Variants in EXOC6B observed in about 807,000 individuals in gnomAD.
EXOC6B encodes the protein SEC15 homolog B.
Under a neutral mutation model 113.5 loss-of-function variants are expected in EXOC6B, and 54 were observed. That is an observed-to-expected ratio of 0.48 (90% CI 0.38 to 0.60). The LOEUF is 0.60. EXOC6B is among the 20% of genes least tolerant of loss of function. EXOC6B has a pLI of 0.00. For missense variants in EXOC6B, 797 were observed against 977.5 expected, an observed-to-expected ratio of 0.82 and a Z score of 2.46; for synonymous variants, 357 against 339.0, an observed-to-expected ratio of 1.05 and a Z score of -0.58.
chr2:72,783,815 A>T (rs1161645877), intron 1 of EXOC6B, among the ~76,000 whole-genome samples: 1 of 151,978 alleles, frequency 6.6e-6, no homozygotes, highest in Non-Finnish European at 1.5e-5. Context: ...ACTGCTGACC[A>T]TTTCCTTTGC....
chr2:72,753,795 T>C (rs1294601265), intron 1 of EXOC6B, among the ~76,000 whole-genome samples: 1 of 152,192 alleles, frequency 6.6e-6, no homozygotes, highest in African/African-American at 2.4e-5. Context: ...TCCCTCTGCC[T>C]GCAATGTCCT....
At chr2:72,764,498 A>G (rs1166235070) in intron 1 of EXOC6B, among the ~76,000 whole-genome samples, 2 of 150,714 alleles carry the variant, frequency 1.3e-5, no homozygotes, top group African/African-American at 2.4e-5. Flanking sequence ...CAGCCTCCAG[A>G]GTAGCTGAGA....
At chr2:72,544,469 T>G (rs1001399162) in intron 8 of EXOC6B, among the ~76,000 whole-genome samples, 6 of 152,120 alleles carry the variant, frequency 3.9e-5, no homozygotes, top group African/African-American at 1.2e-4. Flanking sequence ...TCTACTAAAT[T>G]AGAAACTTTT....
intron 11 of EXOC6B, among the ~76,000 whole-genome samples, chr2:72,503,966 G>T (rs187441082): frequency 2.9e-3 from 448 of 152,176 alleles, no homozygotes; most frequent in Non-Finnish European, 4.6e-3. Flanking sequence ...GGACTGCAGG[G>T]ATACGATCGT....
chr2:72,475,467 T>C (rs1214862993), intron 17 of EXOC6B, among the ~76,000 whole-genome samples: 1 of 152,046 alleles, frequency 6.6e-6, no homozygotes, highest in Non-Finnish European at 1.5e-5. Flanking sequence ...GTCATGTGGG[T>C]AGGCCCGACC....
intron 11 of EXOC6B, among the ~76,000 whole-genome samples, chr2:72,511,143 A>G (rs1234679075): frequency 3.9e-5 from 6 of 152,140 alleles, no homozygotes; most frequent in Non-Finnish European, 8.8e-5. Flanking sequence ...AACAAAAACC[A>G]TAAGCAAAAA....
At chr2:72,313,176 AACAACAC>A (rs1558547624) in intron 20 of EXOC6B, among the ~76,000 whole-genome samples, 2 of 75,896 alleles carry the variant, frequency 2.6e-5, no homozygotes, top group Non-Finnish European at 4.6e-5. Flanking sequence ...CACAGAGAGG[AACAACAC>A]AGAGAGGAAC....
intron 1 of EXOC6B, among the ~76,000 whole-genome samples, chr2:72,754,498 C>T (rs1020797743): frequency 6.6e-6 from 1 of 152,040 alleles, no homozygotes; most frequent in Admixed American, 6.6e-5. Flanking sequence ...TCCCAAAGTG[C>T]TGGCGTTATA....
intron 20 of EXOC6B, among the ~76,000 whole-genome samples, chr2:72,284,582 T>C (rs1156734757): frequency 1.3e-5 from 2 of 151,956 alleles, no homozygotes; most frequent in East Asian, 3.9e-4. Context: ...CCTACTAAGA[T>C]CAAAACCACT....
At chr2:72,481,427 T>C (rs764481010) in intron 16 of EXOC6B, among the ~76,000 whole-genome samples, 1 of 152,364 alleles carries the variant, frequency 6.6e-6, no homozygotes, top group South Asian at 2.1e-4. Context: ...CGGTTTAGCA[T>C]GATGCCTTCC....
intron 8 of EXOC6B, among the ~76,000 whole-genome samples, chr2:72,538,781 A>G (rs1244210798): frequency 6.6e-6 from 1 of 152,254 alleles, no homozygotes; most frequent in African/African-American, 2.4e-5. Flanking sequence ...CTGAAGCAAC[A>G]ATACAGTACA....
intron 8 of EXOC6B, among the ~76,000 whole-genome samples, chr2:72,518,432 A>T (rs1343352077): frequency 6.6e-6 from 1 of 152,006 alleles, no homozygotes; most frequent in Non-Finnish European, 1.5e-5. Context: ...GAAGACTGAC[A>T]AACAAGCAAT....
At chr2:72,763,932 T>C (rs554935634) in intron 1 of EXOC6B, among the ~76,000 whole-genome samples, 1 of 151,652 alleles carries the variant, frequency 6.6e-6, no homozygotes, top group Non-Finnish European at 1.5e-5. Context: ...AATACAAAAA[T>C]TAGCCGGGTG....
rs531264086 is a variant in EXOC6B at position 72,780,304 on chromosome 2, A to C, written c.114-38835T>G. Among the ~76,000 whole-genome samples the C allele has an allele frequency of 2.0e-5, 3 of 152,340 alleles. No homozygotes were observed. The South Asian group carries it at 6.2e-4, about 32-fold the overall frequency. ...TTCTAAATTTCCAAATGCCCTTATG[A>C]CAATAAAATCAAAACAAGAAATCAT... On this transcript the variant is annotated intron_variant, in intron 1 of 21. Transcript: ENST00000272427.
chr2:72,735,214 A>G (rs1024339407), intron 2 of EXOC6B, among the ~76,000 whole-genome samples: 1 of 152,184 alleles, frequency 6.6e-6, no homozygotes, highest in African/African-American at 2.4e-5. Flanking sequence ...AACATTATCT[A>G]CTAGAGTAGC....
chr2:72,745,084 G>A (rs547309707), intron 1 of EXOC6B, among the ~76,000 whole-genome samples: 2 of 152,172 alleles, frequency 1.3e-5, no homozygotes, highest in Admixed American at 6.5e-5. Flanking sequence ...TCTACAGTTC[G>A]CCTCCACTTT....
Position 72,270,049 on chromosome 2 carries a change from C to T in EXOC6B, c.2196+64898G>A, listed in dbSNP as rs141254156. On this transcript the variant is annotated intron_variant, in intron 20 of 21. Transcript: ENST00000272427. The stretch of plus-strand genomic sequence containing the variant: ...AGAAAGCCTCCCAGATGTGCCCCAA[C>T]CCCTCATATCTTCCCATCATCACTG... Among the ~76,000 whole-genome samples, 1,228 of 152,192 alleles carry T rather than the reference C, an allele frequency of 8.1e-3. 8 individuals carry two copies. The highest frequency in any genetic ancestry group is 0.012 in the Non-Finnish European group (844 of 67,998).
intron 20 of EXOC6B, among the ~76,000 whole-genome samples, chr2:72,283,520 G>A (rs1256602331): frequency 6.6e-6 from 1 of 152,122 alleles, no homozygotes; most frequent in Non-Finnish European, 1.5e-5. Context: ...GCTAGGATTG[G>A]ACAAGTCTAG....
chr2:72,400,141 C>T (rs895689494), intron 18 of EXOC6B, among the ~76,000 whole-genome samples: 6 of 151,994 alleles, frequency 3.9e-5, no homozygotes, highest in Non-Finnish European at 8.8e-5. Flanking sequence ...TATCTATAAC[C>T]AACTGATCTT....
Sources: allele counts gnomAD v4.1 joint callset (sites outside exome capture counted in the v4.1 genomes callset), GRCh38; gene constraint gnomAD v4.1.1; transcripts MANE v1.5; gene names NCBI Gene and HGNC (gene_info 2026-07-23, HGNC 2026-07-21).